The following FAM110B variants were observed in gnomAD, a reference collection of about 807,000 sequenced individuals.
The protein encoded by FAM110B is family with sequence similarity 110 member B.
In FAM110B, 6 loss-of-function variants were observed where a neutral mutation model predicts 20.4. That is an observed-to-expected ratio of 0.29 (90% confidence interval 0.16 to 0.58). FAM110B has a LOEUF of 0.58. Ranked by LOEUF, FAM110B falls within the 20% of genes least tolerant of loss-of-function variation. The probability of loss-of-function intolerance (pLI) is 0.90; values close to 1 mark genes in which losing one functional copy is unlikely to be tolerated. For missense variants in FAM110B, 434 were observed against 498.2 expected (o/e 0.87, Z 1.23); for synonymous variants, 226 against 214.1 (o/e 1.06, Z -0.49).
chr8:58,040,024 T>G (rs2150576209), intron 2 of FAM110B, among the ~76,000 whole-genome samples: 1 of 152,210 alleles, frequency 6.6e-6, no homozygotes. Context: ...AAATTTAAAT[T>G]TTTTGTTTGT....
intron 3 of FAM110B, among the ~76,000 whole-genome samples, chr8:58,137,492 G>A (rs922944045): frequency 6.6e-6 from 1 of 152,024 alleles, no homozygotes; most frequent in African/African-American, 2.4e-5. Flanking sequence ...AATAGGAGGC[G>A]GAGGTTGCAG....
At chr8:58,082,969 A>G (rs1036854026) in intron 3 of FAM110B, among the ~76,000 whole-genome samples, 3 of 149,748 alleles carry the variant, frequency 2.0e-5, no homozygotes, top group Non-Finnish European at 4.4e-5. Context: ...TGATCATGCC[A>G]CTGTGCTCCA....
At chr8:58,059,755 G>A (rs1805618759) in intron 2 of FAM110B, among the ~76,000 whole-genome samples, 1 of 151,822 alleles carries the variant, frequency 6.6e-6, no homozygotes, top group Non-Finnish European at 1.5e-5. Flanking sequence ...TTGTTAAAGA[G>A]CAGTTTATTA....
chr8:58,065,548 A>G (rs1348662775), intron 2 of FAM110B, among the ~76,000 whole-genome samples: 3 of 152,166 alleles, frequency 2.0e-5, no homozygotes, highest in African/African-American at 7.2e-5. Context: ...CTCATTAAAC[A>G]ATAATATCTA....
chr8:58,124,758 T>C (rs916792953), intron 3 of FAM110B, among the ~76,000 whole-genome samples: 2 of 152,216 alleles, frequency 1.3e-5, no homozygotes, highest in Non-Finnish European at 2.9e-5. Flanking sequence ...TCATCTCTAT[T>C]AAAATAGTCA....
intron 3 of FAM110B, among the ~76,000 whole-genome samples, chr8:58,096,792 T>C (rs1806643639): frequency 1.3e-5 from 2 of 152,146 alleles, no homozygotes; most frequent in East Asian, 3.9e-4. Flanking sequence ...ATTTCTCCTT[T>C]GCTTATGATG....
In FAM110B at chr8:58,024,523, G is replaced by A. The variant is rs952147844; in HGVS notation, c.-511-7083G>A. On this transcript the variant is annotated intron_variant, in intron 1 of 3. Coordinates refer to ENST00000519262, the MANE Select transcript of FAM110B (RefSeq NM_001377989.1). ...GTTGACATACATTCCTCCAAAGTAG[G>A]CATTATTTCTATTTGTTGATGAAAA... 5.3e-5 allele frequency among the ~76,000 whole-genome samples: 8 copies of A among 152,200 alleles called. No homozygotes were observed. In the East Asian group the frequency reaches 1.2e-3, roughly 22 times the overall value.
At chr8:58,137,555 G>A (rs186229179) in intron 3 of FAM110B, among the ~76,000 whole-genome samples, 2 of 151,410 alleles carry the variant, frequency 1.3e-5, no homozygotes, top group Non-Finnish European at 2.9e-5. Flanking sequence ...GTGAGCCTCC[G>A]TCTTAAAAAA....
chr8:58,069,095 A>G (rs1220630794), intron 2 of FAM110B, among the ~76,000 whole-genome samples: 2 of 152,326 alleles, frequency 1.3e-5, no homozygotes, highest in East Asian at 1.9e-4. Flanking sequence ...AATACCAATA[A>G]TGGTTCTGTG....
chr8:58,119,749 G>A (rs1807307205), intron 3 of FAM110B, among the ~76,000 whole-genome samples: 1 of 152,276 alleles, frequency 6.6e-6, no homozygotes, highest in African/African-American at 2.4e-5. Context: ...TCCCAGGCTG[G>A]CCTGTGGAAA....
intron 3 of FAM110B, among the ~76,000 whole-genome samples, chr8:58,134,434 T>G (rs1803561487): frequency 6.6e-6 from 1 of 152,264 alleles, no homozygotes; most frequent in South Asian, 2.1e-4. Flanking sequence ...AGGAGGTACT[T>G]GGAGTATCGT....
chr8:58,030,012 T>C (rs893824768), intron 1 of FAM110B, among the ~76,000 whole-genome samples: 7 of 152,184 alleles, frequency 4.6e-5, no homozygotes, highest in African/African-American at 1.7e-4. Context: ...GAACAGGGAT[T>C]TTAGATATAA....
At chr8:58,125,696 T>C (rs1451661570) in intron 3 of FAM110B, among the ~76,000 whole-genome samples, 1 of 152,226 alleles carries the variant, frequency 6.6e-6, no homozygotes, top group Non-Finnish European at 1.5e-5. Context: ...TTTCTCCATA[T>C]AAAATGTCTT....
intron 3 of FAM110B, among the ~76,000 whole-genome samples, chr8:58,108,267 TC>T (rs1387857175): frequency 1.3e-5 from 2 of 152,238 alleles, no homozygotes; most frequent in African/African-American, 2.4e-5. Context: ...ATTTTGAAGA[TC>T]CTTTACTAAT....
Position 58,146,513 on chromosome 8 carries a change from A to G in FAM110B, c.283A>G (p.Ser95Gly). Residue 95 changes from serine to glycine, a missense_variant, in exon 4 of 4, where the codon AGC becomes GGC. Transcript: ENST00000519262. ...VCPAAKRALG[S>G]PTLKVFGNHA... is the part of the protein sequence containing the mutation. ...CCCGGCTGCCAAGCGCGCACTGGGC[A>G]GCCCCACGCTCAAAGTGTTCGGCAA... The G allele has an allele frequency of 1.2e-6, 2 of 1,613,904 alleles. No individual in the cohort carries two copies. Among genetic ancestry groups the G allele is most frequent in the Non-Finnish European group, 1.7e-6 (2 of 1,179,910 alleles).
intron 1 of FAM110B, among the ~76,000 whole-genome samples, chr8:57,998,771 C>T (rs912752426): frequency 3.3e-4 from 50 of 152,134 alleles, no homozygotes; most frequent in African/African-American, 1.1e-3. Context: ...AACATCCAAA[C>T]GATTACAGAT....
chr8:58,002,109 G>C (rs1804310851), intron 1 of FAM110B, among the ~76,000 whole-genome samples: 1 of 152,134 alleles, frequency 6.6e-6, no homozygotes, highest in Non-Finnish European at 1.5e-5. Flanking sequence ...CCTTCTACTG[G>C]TTGGATAATG....
intron 3 of FAM110B, among the ~76,000 whole-genome samples, chr8:58,140,620 A>G (rs1803719705): frequency 6.6e-6 from 1 of 152,184 alleles, no homozygotes; most frequent in Admixed American, 6.5e-5. Context: ...AAAAAAATAC[A>G]AGTATGACCA....
At chr8:58,026,784 A>G (rs548862901) in intron 1 of FAM110B, among the ~76,000 whole-genome samples, 1 of 152,308 alleles carries the variant, frequency 6.6e-6, no homozygotes, top group African/African-American at 2.4e-5. Flanking sequence ...ATGTTTCTAC[A>G]TATTATCAAT....
Sources: gnomAD v4.1 joint callset for allele counts (sites outside exome capture counted in the v4.1 genomes callset) on GRCh38, gnomAD v4.1.1 for gene constraint, MANE v1.5 for transcripts, NCBI Gene and HGNC (gene_info 2026-07-23, HGNC 2026-07-21) for gene names.